Variants in UBE4B observed in about 807,000 individuals in gnomAD.
UBE4B encodes the protein ubiquitination factor E4B, also known as ubiquitin conjugation factor E4 B.
UBE4B carries 27 observed loss-of-function variants against 148.1 expected under a neutral mutation model. The observed-to-expected ratio is 0.18, with a 90% confidence interval of 0.13 to 0.25. UBE4B has a LOEUF of 0.25. Among genes scored for constraint, UBE4B ranks in the 10% least tolerant of loss-of-function variants. The probability of loss-of-function intolerance (pLI) is 1.00; values close to 1 mark genes in which losing one functional copy is unlikely to be tolerated. For synonymous variants in UBE4B, 596 were observed against 619.3 expected (o/e 0.96, Z 0.56); for missense variants, 1,170 against 1,662.4 (o/e 0.70, Z 5.15).
At chr1:10,177,807 C>T (rs183948745) in intron 25 of UBE4B, among the ~76,000 whole-genome samples, 18 of 152,278 alleles carry the variant, frequency 1.2e-4, no homozygotes, top group Admixed American at 5.2e-4. Context: ...CAAACTACAG[C>T]ATACTTTACT....
At chr1:10,070,423 A>G (rs1298012816) in intron 1 of UBE4B, among the ~76,000 whole-genome samples, 1 of 150,382 alleles carries the variant, frequency 6.6e-6, no homozygotes, top group African/African-American at 2.4e-5. Flanking sequence ...TAGCTGTGAC[A>G]TTAGTATCCA....
chr1:10,107,792 G>A (rs1430537979), intron 7 of UBE4B, among the ~76,000 whole-genome samples: 1 of 151,960 alleles, frequency 6.6e-6, no homozygotes, highest in East Asian at 1.9e-4. Context: ...TGGCCAGGCT[G>A]GTCTCGAACT....
chr1:10,151,581 T>G lies in UBE4B; in HGVS notation c.2926+20T>G. 6.2e-7 allele frequency: 1 copy of G among 1,604,280 alleles called. No homozygotes were observed. The highest frequency in any genetic ancestry group is 8.5e-7 in the Non-Finnish European group (1 of 1,173,052). On this transcript the variant is annotated intron_variant, in intron 21 of 27. Transcript: ENST00000343090. Reference sequence around the variant, plus strand: ...ATACAGGTAGGTTGCTGGAACACAGTGTAGCACATGGCAGGCCAACTTAGG... The same window carrying G: ...ATACAGGTAGGTTGCTGGAACACAGGGTAGCACATGGCAGGCCAACTTAGG...
At chr1:10,167,161 C>T (rs1571020825) in intron 23 of UBE4B, among the ~76,000 whole-genome samples, 1 of 151,144 alleles carries the variant, frequency 6.6e-6, no homozygotes, top group Non-Finnish European at 1.5e-5. Flanking sequence ...AATAGAGGGC[C>T]GGGCACGGTG....
chr1:10,166,971 A>ACACACAC (rs376136541), intron 23 of UBE4B, among the ~76,000 whole-genome samples: 137 of 111,896 alleles, frequency 1.2e-3, no homozygotes, highest in East Asian at 1.0e-2. Flanking sequence ...ACACACACAC[A>ACACACAC]AAAAAAAAAA....
At chr1:10,107,841 A>G (rs1645143345) in intron 7 of UBE4B, among the ~76,000 whole-genome samples, 1 of 152,032 alleles carries the variant, frequency 6.6e-6, no homozygotes, top group African/African-American at 2.4e-5. Flanking sequence ...GCCTCCCAAA[A>G]TGTTGGGATT....
At chr1:10,174,845 G>GGCAGGAGGCGGTAAGT (rs1553155939) in intron 25 of UBE4B, among the ~76,000 whole-genome samples, 3 of 152,228 alleles carry the variant, frequency 2.0e-5, no homozygotes, top group East Asian at 3.9e-4. Context: ...GCTTTGGTGG[G>GGCAGGAGGCGGTAAGT]GCAGGGGGCG....
At chr1:10,063,020 T>G (rs993751780) in intron 1 of UBE4B, among the ~76,000 whole-genome samples, 1 of 149,078 alleles carries the variant, frequency 6.7e-6, no homozygotes. Flanking sequence ...GGGCTGGGCA[T>G]ACTTTGGGAG....
intron 22 of UBE4B, among the ~76,000 whole-genome samples, chr1:10,160,862 G>C (rs531517004): frequency 6.6e-6 from 1 of 152,296 alleles, no homozygotes; most frequent in Non-Finnish European, 1.5e-5. Context: ...AAGATTGCTT[G>C]AGCCCTGGAG....
At chr1:10,070,189 G>A (rs950535031) in intron 1 of UBE4B, among the ~76,000 whole-genome samples, 1 of 151,592 alleles carries the variant, frequency 6.6e-6, no homozygotes, top group Non-Finnish European at 1.5e-5. Flanking sequence ...CAGGAGAATC[G>A]CATGAACCTG....
At chr1:10,137,922 T>A (rs12746318) in intron 17 of UBE4B, among the ~76,000 whole-genome samples, 1 of 6,984 alleles carries the variant, frequency 1.4e-4, no homozygotes. Context: ...TTACTAATTC[T>A]TTTTTTTTTT....
At chr1:10,115,857 C>T (rs1188650493) in intron 7 of UBE4B, among the ~76,000 whole-genome samples, 1 of 152,044 alleles carries the variant, frequency 6.6e-6, no homozygotes, top group Non-Finnish European at 1.5e-5. Flanking sequence ...ATGCTTATGC[C>T]AATTATGGTG....
chr1:10,097,052 A>AAAAAAAAAATAAT (rs554089049), intron 3 of UBE4B, among the ~76,000 whole-genome samples: 4 of 138,516 alleles, frequency 2.9e-5, no homozygotes, highest in African/African-American at 1.1e-4. Flanking sequence ...AAAAAAAAAA[A>AAAAAAAAAATAAT]AATAATAATA....
At chr1:10,037,032 T>A (rs1056509957) in intron 1 of UBE4B, among the ~76,000 whole-genome samples, 1 of 152,172 alleles carries the variant, frequency 6.6e-6, no homozygotes, top group African/African-American at 2.4e-5. Flanking sequence ...TTGTGCTTTT[T>A]AAATTTTTTT....
chr1:10,082,362 A>G (rs983889235), intron 2 of UBE4B, among the ~76,000 whole-genome samples: 1 of 152,052 alleles, frequency 6.6e-6, no homozygotes, highest in Non-Finnish European at 1.5e-5. Flanking sequence ...TTAGCCAGGC[A>G]TGGTAGTGCG....
In UBE4B at chr1:10,095,534, G is replaced by A. The variant is rs768337112; in HGVS notation, c.285G>A (p.Thr95=). Residue 95 remains threonine, a synonymous_variant, in exon 3 of 28, where the codon ACG becomes ACA. Coordinates refer to ENST00000343090, the MANE Select transcript of UBE4B (RefSeq NM_001105562.3). ...GCTCGCCCTCTAATAGCCTTGAAAC[G>A]CAATCTCAGTCTCTCTCACGTTCCC... is the stretch of plus-strand genomic sequence containing the variant. ...LSSSPSNSLE[T]QSQSLSRSQS... 6 of 1,613,968 alleles carry A rather than the reference G, an allele frequency of 3.7e-6. No individual in the cohort carries two copies. Among genetic ancestry groups the A allele is most frequent in the East Asian group, 2.2e-5 (1 of 44,894 alleles).
intron 1 of UBE4B, among the ~76,000 whole-genome samples, chr1:10,042,251 C>T (rs1381152060): frequency 6.6e-6 from 1 of 152,212 alleles, no homozygotes; most frequent in Non-Finnish European, 1.5e-5. Context: ...AAATGTCTTC[C>T]TGTAAACGGT....
At chr1:10,130,438 A>G in intron 12 of UBE4B, 62 bp from the exon 13 acceptor site, 3 of 1,357,678 alleles carry the variant, frequency 2.2e-6, no homozygotes, top group Non-Finnish European at 3.1e-6. Context: ...GAGAGTTTTC[A>G]TTACATTTTT....
In UBE4B at chr1:10,179,284, C is replaced by T. The variant is rs1175655929; in HGVS notation, c.3701-132C>T. On this transcript the variant is annotated intron_variant, in intron 26 of 27. Coordinates refer to ENST00000343090, the MANE Select transcript of UBE4B (RefSeq NM_001105562.3). ...TATTGAAGGCTGATTTCCTTCTAAA[C>T]CTGGGGGCCTCACAGGGGCCCTTTG... 30 of 1,143,098 alleles carry T rather than the reference C, an allele frequency of 2.6e-5. No homozygotes were observed. In the Admixed American group the frequency reaches 6.8e-4, roughly 26 times the overall value. The allele number at this position is 1,143,098 out of a possible 1,614,324, so 70.8% of individuals were successfully genotyped here.
Sources: gnomAD v4.1 joint callset for allele counts (sites outside exome capture counted in the v4.1 genomes callset) on GRCh38, gnomAD v4.1.1 for gene constraint, MANE v1.5 for transcripts, NCBI Gene and HGNC (gene_info 2026-07-23, HGNC 2026-07-21) for gene names.